The following NCKAP5 variants were observed in gnomAD, a reference collection of about 807,000 sequenced individuals.
NCKAP5 encodes NCK associated protein 5.
A neutral mutation model predicts 167.0 loss-of-function variants in NCKAP5; 92 were observed. The observed-to-expected ratio is 0.55, with a 90% CI of 0.47 to 0.66. The LOEUF (loss-of-function observed/expected upper bound fraction) is 0.66, where lower values mean the gene tolerates loss of function less well. NCKAP5 is among the 30% of genes least tolerant of loss of function. The pLI is 0.00. For missense variants in NCKAP5, 2,378 were observed against 2,315.0 expected (o/e 1.03, Z -0.56); for synonymous variants, 891 against 877.4 (o/e 1.02, Z -0.27).
At chr2:132,779,920 A>G (rs1682874766) in intron 15 of NCKAP5, among the ~76,000 whole-genome samples, 1 of 152,194 alleles carries the variant, frequency 6.6e-6, no homozygotes, top group Admixed American at 6.5e-5. Context: ...ATATTTTAAT[A>G]ATCTCTTTAT....
At chr2:133,534,887 T>C (rs879115827) in intron 2 of NCKAP5, among the ~76,000 whole-genome samples, 3 of 152,170 alleles carry the variant, frequency 2.0e-5, no homozygotes, top group Admixed American at 2.0e-4. Flanking sequence ...TGTTTATCAG[T>C]TTGAGGAAAT....
At chr2:133,667,957 G>A in the NCKAP5 span, among the ~76,000 whole-genome samples, 1 of 151,896 alleles carries the variant, frequency 6.6e-6, no homozygotes, top group Non-Finnish European at 1.5e-5. Context: ...CCTTTTCCCA[G>A]CCTCTAGAAA....
At chr2:133,168,481 A>G (rs565935607) in intron 5 of NCKAP5, among the ~76,000 whole-genome samples, 2 of 152,170 alleles carry the variant, frequency 1.3e-5, no homozygotes, top group African/African-American at 4.8e-5. Context: ...TTATTTGGTA[A>G]ATGGAAGAGA....
chr2:133,073,408 T>C (rs933236671), intron 6 of NCKAP5, among the ~76,000 whole-genome samples: 1 of 152,286 alleles, frequency 6.6e-6, no homozygotes, highest in East Asian at 1.9e-4. Context: ...AGAAGTGACC[T>C]GAAGCTGCAT....
intron 16 of NCKAP5, among the ~76,000 whole-genome samples, chr2:132,772,074 C>A (rs1034738910): frequency 6.6e-6 from 1 of 151,940 alleles, no homozygotes; most frequent in South Asian, 2.1e-4. Context: ...GTTTTAATTG[C>A]CTGCAATATT....
chr2:133,083,949 A>C (rs2080897705), intron 6 of NCKAP5, among the ~76,000 whole-genome samples: 1 of 152,154 alleles, frequency 6.6e-6, no homozygotes, highest in Admixed American at 6.5e-5. Context: ...AACTCTGGTG[A>C]GTTCAGAGGA....
intron 17 of NCKAP5, 141 bp from the exon 18 acceptor site, chr2:132,729,093 C>G: frequency 8.9e-7 from 1 of 1,127,190 alleles, no homozygotes; most frequent in Non-Finnish European, 1.3e-6. Flanking sequence ...CCACTCTGTC[C>G]CACTGTAGTC....
chr2:133,285,934 T>C (rs569440992), intron 4 of NCKAP5, among the ~76,000 whole-genome samples: 35 of 152,276 alleles, frequency 2.3e-4, no homozygotes, highest in African/African-American at 8.2e-4. Context: ...GCTAAAGTAA[T>C]CTTCTAATAA....
chr2:132,692,101 C>G (rs1255155697), intron 19 of NCKAP5, among the ~76,000 whole-genome samples: 2 of 139,008 alleles, frequency 1.4e-5, no homozygotes, highest in South Asian at 2.3e-4. Context: ...ATCTATGAAG[C>G]CTGCTTGATT....
intron 11 of NCKAP5, among the ~76,000 whole-genome samples, chr2:132,827,010 G>A (rs1314619031): frequency 1.3e-5 from 2 of 152,144 alleles, no homozygotes; most frequent in Non-Finnish European, 2.9e-5. Context: ...CAGAGGCACT[G>A]ATACGTGAAA....
At chr2:132,689,828 A>ATTAAATCTAGC (rs1376997691) in intron 19 of NCKAP5, among the ~76,000 whole-genome samples, 6 of 152,306 alleles carry the variant, frequency 3.9e-5, no homozygotes, top group Non-Finnish European at 8.8e-5. Flanking sequence ...TCAGCATATA[A>ATTAAATCTAGC]TTAAATCTAG....
At chr2:133,562,224 T>C (rs573878744) in intron 1 of NCKAP5, among the ~76,000 whole-genome samples, 36 of 151,984 alleles carry the variant, frequency 2.4e-4, no homozygotes, top group Non-Finnish European at 4.3e-4. Flanking sequence ...TACACACACA[T>C]ATATATATAC....
At chr2:132,699,325 A>C (rs1175350217) in intron 19 of NCKAP5, among the ~76,000 whole-genome samples, 2 of 152,136 alleles carry the variant, frequency 1.3e-5, no homozygotes, top group African/African-American at 4.8e-5. Context: ...CTCTTTTGAC[A>C]TGATAGATTT....
chr2:132,726,680 G>GA (rs1690487328), intron 18 of NCKAP5, among the ~76,000 whole-genome samples: 1 of 152,182 alleles, frequency 6.6e-6, no homozygotes, highest in Non-Finnish European at 1.5e-5. Context: ...CACATTTTAG[G>GA]ATGTAAACTC....
At chr2:133,298,322 A>G (rs968128109) in intron 4 of NCKAP5, among the ~76,000 whole-genome samples, 2 of 152,124 alleles carry the variant, frequency 1.3e-5, no homozygotes, top group African/African-American at 4.8e-5. Flanking sequence ...TGTCATTATT[A>G]CCTTCTATTG....
At chr2:133,138,601 C>A (rs957633836) in intron 5 of NCKAP5, among the ~76,000 whole-genome samples, 3 of 152,126 alleles carry the variant, frequency 2.0e-5, no homozygotes, top group Admixed American at 6.6e-5. Flanking sequence ...TTCTGTCTTC[C>A]CATTAACTTG....
intron 19 of NCKAP5, among the ~76,000 whole-genome samples, chr2:132,724,563 C>T (rs999345362): frequency 1.3e-5 from 2 of 152,004 alleles, no homozygotes; most frequent in African/African-American, 2.4e-5. Context: ...CTTCATTGGG[C>T]GAGCTCCATG....
chr2:133,318,198 T>C (rs1681751493), intron 3 of NCKAP5, among the ~76,000 whole-genome samples: 1 of 152,194 alleles, frequency 6.6e-6, no homozygotes, highest in East Asian at 1.9e-4. Context: ...CAGGGAAGAT[T>C]TTAGGATGGT....
intron 2 of NCKAP5, among the ~76,000 whole-genome samples, chr2:133,555,346 T>C (rs1429996745): frequency 6.6e-6 from 1 of 152,236 alleles, no homozygotes; most frequent in Non-Finnish European, 1.5e-5. Context: ...TCTTCTACAA[T>C]CTGACTATCT....
Sources: gnomAD v4.1 joint callset for allele counts (sites outside exome capture counted in the v4.1 genomes callset) on GRCh38, gnomAD v4.1.1 for gene constraint, MANE v1.5 for transcripts, NCBI Gene and HGNC (gene_info 2026-07-23, HGNC 2026-07-21) for gene names.